The following OTOG variants were observed in gnomAD, a reference collection of about 807,000 sequenced individuals.
OTOG encodes the protein otogelin.
Under a neutral mutation model 313.8 loss-of-function variants are expected in OTOG, and 296 were observed. That is an observed-to-expected ratio of 0.94 (90% CI 0.86 to 1.04). The LOEUF (loss-of-function observed/expected upper bound fraction) is 1.04. OTOG is among the 50% of genes least tolerant of loss of function. The pLI is 0.00. For missense variants in OTOG, 3,948 were observed against 3,840.1 expected (o/e 1.03, Z -0.74); for synonymous variants, 1,533 against 1,554.9 (o/e 0.99, Z 0.33).
At chr11:17,553,616 C>G in intron 6 of OTOG, 97 bp downstream of exon 6, 1 of 1,140,116 alleles carries the variant, frequency 8.8e-7, no homozygotes, top group Non-Finnish European at 1.1e-6. Context: ...GAGAGACTGG[C>G]ACCTTCCTCC....
chr11:17,612,222 A>G lies in OTOG; in HGVS notation c.6184A>G (p.Asn2062Asp). 1.3e-6 allele frequency: 2 copies of G among 1,549,274 alleles called. No individual in the cohort carries two copies. The highest frequency in any genetic ancestry group is 1.7e-6 in the Non-Finnish European group (2 of 1,146,976). The change falls in exon 37 of 56, where the codon AAT (asparagine) becomes GAT (aspartate). Residue 2062 changes from asparagine (N) to aspartate (D), a missense_variant. Coordinates refer to ENST00000399397, the MANE Select transcript of OTOG (RefSeq NM_001292063.2). ...CCTGGAGGGCCAGCTGATTCGCGTG[A>G]ATCAGTCCCAGCACTGTCCCCAGGG... Reference protein sequence around the residue: ...ICLEGQLIRVNQSQHCPQGAA... With the variant: ...ICLEGQLIRVDQSQHCPQGAA...
Position 17,645,736 on chromosome 11 carries a change from C to T in OTOG, c.8542-8C>T, listed in dbSNP as rs182750732. ...CCACAGACTGCCTCACTGGCCTGCC[C>T]GTTCCAGGTGAACCTAGTGTCCTGC... On this transcript the variant is annotated splice_polypyrimidine_tract_variant and splice_region_variant and intron_variant, in intron 55 of 55. Coordinates refer to ENST00000399397, the MANE Select transcript of OTOG (RefSeq NM_001292063.2). 13,409 of 1,550,846 alleles carry T rather than the reference C, an allele frequency of 8.6e-3. 83 individuals carry two copies. Among genetic ancestry groups the T allele is most frequent in the Non-Finnish European group, 0.011 (12,543 of 1,147,032 alleles).
intron 16 of OTOG, 79 bp from the exon 17 acceptor site, chr11:17,570,134 C>A (rs1852371792): frequency 7.6e-7 from 1 of 1,319,374 alleles, no homozygotes; most frequent in Admixed American, 2.1e-5. Flanking sequence ...GGAGTCTGAG[C>A]GGGCCAGGCA....
intron 39 of OTOG, among the ~76,000 whole-genome samples, chr11:17,617,559 C>G (rs1016720822): frequency 1.3e-5 from 2 of 152,110 alleles, no homozygotes; most frequent in Non-Finnish European, 2.9e-5. Flanking sequence ...TAGAATTTGT[C>G]CATTTCATCC....
intron 51 of OTOG, among the ~76,000 whole-genome samples, chr11:17,641,538 ACT>A (rs1265943464): frequency 2.6e-5 from 4 of 152,114 alleles, no homozygotes; most frequent in African/African-American, 7.2e-5. Flanking sequence ...GCTTAGGGAG[ACT>A]CTGTCATTTG....
intron 17 of OTOG, among the ~76,000 whole-genome samples, chr11:17,571,804 C>G (rs1852410558): frequency 6.6e-6 from 1 of 151,984 alleles, no homozygotes; most frequent in Non-Finnish European, 1.5e-5. Context: ...TGTGTACATC[C>G]ATGATTCTAT....
In OTOG at chr11:17,632,239, G is replaced by C; in HGVS notation, c.7072+13G>C. On this transcript the variant is annotated intron_variant, in intron 42 of 55. Coordinates refer to ENST00000399397, the MANE Select transcript of OTOG (RefSeq NM_001292063.2). ...TCTGACTACTGCCGTGAGTTTGCGG[G>C]GCAGGGGGACCCTCCATTGTGACTA... is the stretch of plus-strand genomic sequence containing the variant. The C allele has an allele frequency of 6.5e-7, 1 of 1,546,564 alleles. No individual in the cohort carries two copies. The highest frequency in any genetic ancestry group is 8.7e-7 in the Non-Finnish European group (1 of 1,143,850).
At chr11:17,600,956 C>T (rs949589174) in intron 31 of OTOG, among the ~76,000 whole-genome samples, 8 of 152,348 alleles carry the variant, frequency 5.3e-5, no homozygotes, top group Admixed American at 3.9e-4. Flanking sequence ...AGTCCTGCCA[C>T]AGCGGTGTGT....
In OTOG at chr11:17,558,308, C is replaced by A. The variant is rs1392849159; in HGVS notation, c.989C>A (p.Thr330Asn). 1.9e-6 allele frequency: 3 copies of A among 1,550,856 alleles called. No individual in the cohort carries two copies. Among genetic ancestry groups the A allele is most frequent in the East Asian group, 2.4e-5 (1 of 40,924 alleles). Residue 330 changes from threonine to asparagine, a missense_variant, in exon 9 of 56, where the codon ACC becomes AAC. Physicochemically the swap from Thr to Asn is moderately conservative, Grantham distance 65. Coordinates refer to ENST00000399397, the MANE Select transcript of OTOG (RefSeq NM_001292063.2). ...RPPCLQQNPG[T>N]MQGVYEQCEA... is the part of the protein sequence containing the mutation. ...CCGTGCCTACAGCAGAACCCAGGAA[C>A]CATGCAGGTCTGGAGCTTGGGGAGA...
At position 17,640,737 on chromosome 11, in the gene OTOG, C is replaced by A; in HGVS notation, c.7936-8C>A. 2 of 1,549,512 alleles carry A rather than the reference C, an allele frequency of 1.3e-6. No individual in the cohort carries two copies. Among genetic ancestry groups the A allele is most frequent in the Non-Finnish European group, 1.7e-6 (2 of 1,146,932 alleles). ...ACCCAGGGTGCTGACTGCCTCTGCC[C>A]CACCCAGTGGGAGAAATCCCAGCTG... On this transcript the variant is annotated splice_polypyrimidine_tract_variant and splice_region_variant and intron_variant, in intron 49 of 55. Transcript: ENST00000399397.
intron 49 of OTOG, among the ~76,000 whole-genome samples, chr11:17,639,775 G>A (rs1374028955): frequency 1.3e-5 from 2 of 151,862 alleles, no homozygotes; most frequent in Admixed American, 6.6e-5. Context: ...TGGTGGTGAC[G>A]ATGGTGATAG....
At position 17,557,186 on chromosome 11, in the gene OTOG, ATCAGTCAGCCT is replaced by A; in HGVS notation, c.732_742del (p.Gln244HisfsTer32). On this transcript the variant is annotated frameshift_variant, in exon 8 of 56. Coordinates refer to ENST00000399397, the MANE Select transcript of OTOG (RefSeq NM_001292063.2). LOFTEE classifies it high-confidence loss of function. ...CTTGCCGGCTATGTCATCGTGCGGC[ATCAGTCAGCCT>A]TCACACTGGCCTGGGATGGTGCCTC... The A allele has an allele frequency of 6.4e-7, 1 of 1,550,650 alleles. No homozygotes were observed. The highest frequency in any genetic ancestry group is 1.2e-5 in the South Asian group (1 of 84,056).
At chr11:17,593,831 AC>A in intron 27 of OTOG, 75 bp downstream of exon 27, 1 of 1,512,086 alleles carries the variant, frequency 6.6e-7, no homozygotes, top group South Asian at 1.2e-5. Context: ...GGTGAGCTGT[AC>A]CCTCCCTGAG....
intron 12 of OTOG, among the ~76,000 whole-genome samples, chr11:17,560,283 A>G (rs1405532095): frequency 6.6e-6 from 1 of 152,244 alleles, no homozygotes; most frequent in Non-Finnish European, 1.5e-5. Flanking sequence ...TATCACGCTC[A>G]TATGACCAGT....
intron 23 of OTOG, among the ~76,000 whole-genome samples, chr11:17,580,317 A>T (rs1852637396): frequency 6.6e-6 from 1 of 152,194 alleles, no homozygotes; most frequent in African/African-American, 2.4e-5. Flanking sequence ...TTAATTAATT[A>T]CCCTGAACCT....
intron 31 of OTOG, among the ~76,000 whole-genome samples, chr11:17,600,032 C>T (rs919665432): frequency 1.3e-5 from 2 of 152,244 alleles, no homozygotes; most frequent in Admixed American, 6.5e-5. Context: ...GCTCATCAGG[C>T]CCACAGAACA....
At chr11:17,573,372 C>A (rs1335349788) in intron 19 of OTOG, 82 bp downstream of exon 19, 1 of 1,367,744 alleles carries the variant, frequency 7.3e-7, no homozygotes. Context: ...AAAGTCTCCA[C>A]TGGGATGCCC....
rs2134029539 is a variant in OTOG at position 17,574,674 on chromosome 11, T to C, written c.2294-46T>C. Reference sequence around the variant, plus strand: ...ATGACAGCCCCACTCCACATAACTGTGGGGATGAGGGAGACAAAGCATGCA... The same window carrying C: ...ATGACAGCCCCACTCCACATAACTGCGGGGATGAGGGAGACAAAGCATGCA... On this transcript the variant is annotated intron_variant, in intron 19 of 55. Transcript: ENST00000399397. The C allele has an allele frequency of 2.0e-6, 3 of 1,513,112 alleles. No homozygotes were observed. In the South Asian group the frequency reaches 3.7e-5, roughly 19 times the overall value. The allele number at this position is 1,513,112 out of a possible 1,614,324, so 93.7% of individuals were successfully genotyped here.
intron 49 of OTOG, among the ~76,000 whole-genome samples, chr11:17,640,461 C>A (rs1253233621): frequency 6.6e-6 from 1 of 152,220 alleles, no homozygotes; most frequent in East Asian, 1.9e-4. Context: ...CCCATTTCCT[C>A]CCTCCTTAAC....
Sources: allele counts gnomAD v4.1 joint callset (sites outside exome capture counted in the v4.1 genomes callset), GRCh38; gene constraint gnomAD v4.1.1; transcripts MANE v1.5; gene names NCBI Gene and HGNC (gene_info 2026-07-23, HGNC 2026-07-21).